Variants in PTPRS observed in about 807,000 individuals in gnomAD.
PTPRS encodes the protein protein tyrosine phosphatase receptor type S, also known as receptor-type tyrosine-protein phosphatase S.
A neutral mutation model predicts 215.3 loss-of-function variants in PTPRS; 63 were observed. The observed-to-expected ratio is 0.29, with a 90% CI of 0.24 to 0.36. PTPRS has a LOEUF of 0.36. Ranked by LOEUF, PTPRS falls within the 10% of genes least tolerant of loss-of-function variation. The pLI is 1.00. For synonymous variants in PTPRS, 1,404 were observed against 1,191.4 expected (o/e 1.18, Z -3.68); for missense variants, 2,258 against 2,825.8 (o/e 0.80, Z 4.56).
intron 4 of PTPRS, among the ~76,000 whole-genome samples, chr19:5,272,788 C>T (rs1398705914): frequency 2.0e-5 from 3 of 152,030 alleles, no homozygotes; most frequent in African/African-American, 7.2e-5. Flanking sequence ...TCTAGTCTCA[C>T]GTGTGATCCT....
At chr19:5,332,424 A>T (rs1295350807) in intron 1 of PTPRS, among the ~76,000 whole-genome samples, 1 of 152,188 alleles carries the variant, frequency 6.6e-6, no homozygotes, top group Non-Finnish European at 1.5e-5. Context: ...CATCATGCCC[A>T]GCCAAAATTG....
chr19:5,336,252 C>A, intron 1 of PTPRS, among the ~76,000 whole-genome samples: 1 of 108,714 alleles, frequency 9.2e-6, no homozygotes, highest in Non-Finnish European at 1.7e-5. Flanking sequence ...CTTTTCTTTC[C>A]TTAAAGGAAA....
At chr19:5,280,936 A>G (rs2047797197) in intron 2 of PTPRS, among the ~76,000 whole-genome samples, 1 of 151,554 alleles carries the variant, frequency 6.6e-6, no homozygotes, top group South Asian at 2.1e-4. Flanking sequence ...GGATTACAGG[A>G]ACCCACCACA....
chr19:5,312,646 G>A (rs2049743797), intron 1 of PTPRS, among the ~76,000 whole-genome samples: 1 of 152,102 alleles, frequency 6.6e-6, no homozygotes, highest in African/African-American at 2.4e-5. Context: ...GGGCGACAGA[G>A]CAAGACCCTG....
At chr19:5,286,465 A>G (rs1385939795) in intron 1 of PTPRS, 1 of 357,926 alleles carries the variant, frequency 2.8e-6, no homozygotes, top group Non-Finnish European at 5.4e-6. Context: ...AGTCCCCACT[A>G]TGATGGTAAC....
rs778260386 is a variant in PTPRS at position 5,243,912 on chromosome 19, G to A, written c.1559C>T (p.Thr520Met). Residue 520 changes from threonine to methionine, a missense_variant, in exon 11 of 38, where the codon ACG (threonine) becomes ATG (methionine). Physicochemically the swap from Thr to Met is moderately conservative, Grantham distance 81. This residue lies in a region of PTPRS where 508 missense variants were observed against 799.4 expected (regional missense o/e 0.64). Coordinates refer to ENST00000262963, the MANE Select transcript of PTPRS (RefSeq NM_002850.4). ...ACCCCACGCCTCACCTCCCTGCTGC[G>A]TCTTGACCTGGATGGGGTCCGAGAG... ...GPLSDPIQVK[T>M]QQGVPGQPMN... The A allele has an allele frequency of 6.5e-6, 10 of 1,531,918 alleles. No homozygotes were observed. The highest frequency in any genetic ancestry group is 2.7e-5 in the African/African-American group (2 of 73,664). The allele number at this position is 1,531,918 out of a possible 1,614,324, so 94.9% of individuals were successfully genotyped here.
At chr19:5,274,664 C>T (rs2047206257) in intron 2 of PTPRS, among the ~76,000 whole-genome samples, 1 of 151,802 alleles carries the variant, frequency 6.6e-6, no homozygotes. Flanking sequence ...GGCACACCTG[C>T]TCAGACACAG....
In PTPRS at chr19:5,207,996, A is replaced by C; in HGVS notation, c.5704T>G (p.Tyr1902Asp). 1 of 1,614,106 alleles carries C rather than the reference A, an allele frequency of 6.2e-7. No homozygotes were observed. The highest frequency in any genetic ancestry group is 8.5e-7 in the Non-Finnish European group (1 of 1,180,038). The change falls in exon 37 of 38, where the codon TAT (tyrosine) becomes GAT (aspartate). Residue 1902 changes from tyrosine to aspartate, a missense_variant. By Grantham distance (160) the Tyr-to-Asp change is radical. Coordinates refer to ENST00000262963, the MANE Select transcript of PTPRS (RefSeq NM_002850.4). ...TLSIVLERMR[Y>D]EGVVDIFQTV... is the part of the protein sequence containing the mutation. Reference sequence around the variant, plus strand: ...TGAAAGATGTCCACCACGCCTTCATACCGCATCCGCTCCAGCACGATGCTA... The same window carrying C: ...TGAAAGATGTCCACCACGCCTTCATCCCGCATCCGCTCCAGCACGATGCTA...
Position 5,218,485 on chromosome 19 carries a change from G to C in PTPRS, c.3983C>G (p.Ala1328Gly). 9 of 1,614,148 alleles carry C rather than the reference G, an allele frequency of 5.6e-6. No homozygotes were observed. The highest frequency in any genetic ancestry group is 7.6e-6 in the Non-Finnish European group (9 of 1,180,026). The change falls in exon 25 of 38, where the codon GCC (alanine) becomes GGC (glycine). Residue 1328 changes from alanine to glycine, a missense_variant. This residue lies in a region of PTPRS where 927 missense variants were observed against 1,125.9 expected (regional missense o/e 0.82). Coordinates refer to ENST00000262963, the MANE Select transcript of PTPRS (RefSeq NM_002850.4). ...EPRTKCLLNNADLAPHHPKDP... is the reference protein window; with the variant it reads ...EPRTKCLLNNGDLAPHHPKDP... Reference sequence around the variant, plus strand: ...CTTGGGGTGGTGAGGGGCGAGGTCGGCATTGTTCAGGAGGCATTTGGTGCG... The same window carrying C: ...CTTGGGGTGGTGAGGGGCGAGGTCGCCATTGTTCAGGAGGCATTTGGTGCG...
At chr19:5,280,441 G>T (rs550573051) in intron 2 of PTPRS, among the ~76,000 whole-genome samples, 1 of 152,120 alleles carries the variant, frequency 6.6e-6, no homozygotes, top group African/African-American at 2.4e-5. Context: ...AGACCTGGCC[G>T]GGCGTGGTGG....
chr19:5,229,570 T>C lies in PTPRS; in HGVS notation c.2270A>G (p.Gln757Arg), dbSNP rs1307585641. Reference protein sequence around the residue: ...GRQHGQIRGYQVHYVRMEGAE... With the variant: ...GRQHGQIRGYRVHYVRMEGAE... ...GCCCTCCATGCGCACGTAGTGGACC[T>C]GGTAGCCGCGGATCTGGCCGTGCTG... is the stretch of plus-strand genomic sequence containing the variant. The change falls in exon 15 of 38, where the codon CAG becomes CGG. Residue 757 changes from glutamine to arginine, a missense_variant. Physicochemically the swap from Gln to Arg is conservative, Grantham distance 43. Transcript: ENST00000262963. 2.7e-6 allele frequency: 4 copies of C among 1,454,654 alleles called. No homozygotes were observed. The highest frequency in any genetic ancestry group is 3.6e-6 in the Non-Finnish European group (4 of 1,104,656). The allele number at this position is 1,454,654 out of a possible 1,614,324, so 90.1% of individuals were successfully genotyped here.
chr19:5,226,242 G>T (rs913901151), intron 16 of PTPRS, among the ~76,000 whole-genome samples: 1 of 152,144 alleles, frequency 6.6e-6, no homozygotes, highest in Admixed American at 6.5e-5. Flanking sequence ...TCTTCCCTGT[G>T]GCTCACAAAG....
At chr19:5,308,375 C>G (rs1338011901) in intron 1 of PTPRS, among the ~76,000 whole-genome samples, 2 of 152,208 alleles carry the variant, frequency 1.3e-5, no homozygotes, top group Non-Finnish European at 2.9e-5. Flanking sequence ...CCATCGTCCC[C>G]CCAGACTCCT....
At chr19:5,211,515 A>G (rs1425242397) in intron 33 of PTPRS, 75 bp downstream of exon 33, 2 of 1,465,408 alleles carry the variant, frequency 1.4e-6, no homozygotes, top group African/African-American at 2.8e-5. Context: ...TCTGTCTCCC[A>G]CAAGACTGGA....
chr19:5,278,290 C>T (rs564809605), intron 2 of PTPRS, among the ~76,000 whole-genome samples: 79 of 151,952 alleles, frequency 5.2e-4, no homozygotes, highest in African/African-American at 1.7e-3. Flanking sequence ...ACGAACATAC[C>T]TCACTGCAGC....
Position 5,240,313 on chromosome 19 carries a change from G to C in PTPRS, c.1590C>G (p.Asn530Lys), listed in dbSNP as rs2043920189. 6.2e-7 allele frequency: 1 copy of C among 1,603,414 alleles called. No individual in the cohort carries two copies. Among genetic ancestry groups the C allele is most frequent in the Non-Finnish European group, 8.5e-7 (1 of 1,176,052 alleles). Reference protein sequence around the residue: ...TQQGVPGQPMNLRAEARSETS... With the variant: ...TQQGVPGQPMKLRAEARSETS... ...TCTCCGACCTGGCCTCGGCCCGCAG[G>C]TTCATGGGCTGGCCCGGCACTGTGG... is the stretch of plus-strand genomic sequence containing the variant. The change falls in exon 12 of 38, where the codon AAC becomes AAG. Residue 530 changes from asparagine to lysine, a missense_variant. By Grantham distance (94) the Asn-to-Lys change is moderately conservative (BLOSUM62 0). Around this residue, in one of 6 missense-constraint regions of PTPRS, gnomAD observed 508 missense variants for 799.4 expected, o/e 0.64. Transcript: ENST00000262963.
chr19:5,223,363 G>C, intron 17 of PTPRS, 66 bp from the exon 18 acceptor site: 2 of 1,387,308 alleles, frequency 1.4e-6, no homozygotes, highest in South Asian at 1.7e-5. Context: ...CACAAGGTGG[G>C]GTTGTATTTT....
intron 13 of PTPRS, among the ~76,000 whole-genome samples, chr19:5,232,761 T>C (rs2043125132): frequency 6.7e-6 from 1 of 150,174 alleles, no homozygotes; most frequent in African/African-American, 2.5e-5. Flanking sequence ...CTACTAATAA[T>C]TGTGGTAAGG....
intron 2 of PTPRS, among the ~76,000 whole-genome samples, chr19:5,282,768 C>T (rs932517260): frequency 6.3e-5 from 9 of 141,848 alleles, no homozygotes; most frequent in Admixed American, 3.7e-4. Flanking sequence ...CGAGCCTGGG[C>T]AACAGGACAA....
Sources: gnomAD v4.1 joint callset for allele counts (sites outside exome capture counted in the v4.1 genomes callset) on GRCh38, gnomAD v4.1.1 for gene constraint, gnomAD v4.1.1 regional missense constraint, MANE v1.5 for transcripts, NCBI Gene and HGNC (gene_info 2026-07-23, HGNC 2026-07-21) for gene names.